The following NRG1 variants were observed in gnomAD, a reference collection of about 807,000 sequenced individuals.
The protein encoded by NRG1 is neuregulin 1.
Under a neutral mutation model 63.8 loss-of-function variants are expected in NRG1, and 18 were observed. The observed-to-expected ratio is 0.28, with a 90% CI of 0.19 to 0.42. The LOEUF is 0.42. Among genes scored for constraint, NRG1 ranks in the 10% least tolerant of loss-of-function variants. The pLI is 1.00. For missense variants in NRG1, 762 were observed against 814.7 expected, an observed-to-expected ratio of 0.94 and a Z score of 0.79; for synonymous variants, 302 against 301.3, an observed-to-expected ratio of 1.00 and a Z score of -0.02.
At chr8:32,225,007 T>A (rs1415112656) in intron 1 of NRG1, among the ~76,000 whole-genome samples, 1 of 152,184 alleles carries the variant, frequency 6.6e-6, no homozygotes, top group African/African-American at 2.4e-5. Context: ...CGAAATGTCA[T>A]AACAGTGTAA....
intron 1 of NRG1, among the ~76,000 whole-genome samples, chr8:32,279,455 C>T (rs1852462377): frequency 6.6e-6 from 1 of 152,192 alleles, no homozygotes; most frequent in Non-Finnish European, 1.5e-5. Flanking sequence ...CTGGTTCAAG[C>T]AATTCTCCTG....
chr8:32,099,095 GGCAAATCA>G (rs1403926700), intron 1 of NRG1, among the ~76,000 whole-genome samples: 1 of 152,154 alleles, frequency 6.6e-6, no homozygotes, highest in African/African-American at 2.4e-5. Flanking sequence ...GGGTGCAATG[GGCAAATCA>G]GCAAGATAGG....
chr8:32,180,807 T>C (rs1011594426), intron 1 of NRG1, among the ~76,000 whole-genome samples: 1 of 152,130 alleles, frequency 6.6e-6, no homozygotes, highest in Non-Finnish European at 1.5e-5. Flanking sequence ...GTGTGCTGCA[T>C]TGTTTTTTTA....
chr8:32,025,326 A>G (rs1005833062), intron 1 of NRG1, among the ~76,000 whole-genome samples: 2 of 152,172 alleles, frequency 1.3e-5, no homozygotes, highest in African/African-American at 4.8e-5. Flanking sequence ...AAGACTCACA[A>G]TTACCATTAG....
intron 1 of NRG1, among the ~76,000 whole-genome samples, chr8:32,021,150 AT>A (rs1816367905): frequency 1.3e-5 from 2 of 152,134 alleles, no homozygotes; most frequent in African/African-American, 2.4e-5. Flanking sequence ...GTTGATTTTT[AT>A]TTTTTTCAGA....
chr8:32,668,617 T>G (rs890817142), intron 5 of NRG1, among the ~76,000 whole-genome samples: 4 of 152,218 alleles, frequency 2.6e-5, no homozygotes, highest in Non-Finnish European at 4.4e-5. Flanking sequence ...CTGGTCATAT[T>G]TTAGCATAAT....
chr8:32,399,267 G>A (rs568372438), intron 1 of NRG1, among the ~76,000 whole-genome samples: 8 of 152,248 alleles, frequency 5.3e-5, no homozygotes, highest in African/African-American at 1.4e-4. Context: ...GGTAAAACAC[G>A]TTAATTTTAT....
rs545016062 is a variant in NRG1 at position 31,724,976 on chromosome 8, A to G, written c.37+85545A>G. Among the ~76,000 whole-genome samples the G allele has an allele frequency of 5.9e-5, 9 of 152,336 alleles. No homozygotes were observed. In the South Asian group the frequency reaches 1.7e-3, roughly 28 times the overall value. ...GTGTGAAAGCATCCATAGATAGTAC[A>G]TAAACAAATGAGGGCTGCTCTGTTC... On this transcript the variant is annotated intron_variant, in intron 1 of 10. Coordinates refer to the NRG1 transcript ENST00000519301.
intron 1 of NRG1, among the ~76,000 whole-genome samples, chr8:32,191,111 G>A (rs1449910628): frequency 6.6e-6 from 1 of 150,438 alleles, no homozygotes; most frequent in Non-Finnish European, 1.5e-5. Flanking sequence ...TTGAGTTGGA[G>A]TCTCACTCTG....
rs1177120889 is a variant in NRG1, at chr8:32,321,800, T to C, written c.38-274028T>C. Among the ~76,000 whole-genome samples, 3 of 152,034 alleles carry C rather than the reference T, an allele frequency of 2.0e-5. No individual in the cohort carries two copies. The South Asian group carries it at 6.2e-4, about 32-fold the overall frequency. ...GATATACCTTTTAAAGTCATGGATT[T>C]CTTGATGGAGATATTGAGTTGGGTT... is the stretch of plus-strand genomic sequence containing the variant. On this transcript the variant is annotated intron_variant, in intron 1 of 10. Coordinates refer to the NRG1 transcript ENST00000519301.
chr8:32,401,116 G>C (rs1156364487), intron 1 of NRG1, among the ~76,000 whole-genome samples: 1 of 152,040 alleles, frequency 6.6e-6, no homozygotes, highest in African/African-American at 2.4e-5. Context: ...ACATGGAGGG[G>C]AACGACAGAC....
chr8:32,737,245 G>C (rs1277350011), intron 6 of NRG1, among the ~76,000 whole-genome samples: 1 of 152,074 alleles, frequency 6.6e-6, no homozygotes, highest in Non-Finnish European at 1.5e-5. Flanking sequence ...AGGATACTGG[G>C]AATTTCTGTA....
At chr8:32,360,867 A>G (rs1248098059) in intron 1 of NRG1, among the ~76,000 whole-genome samples, 2 of 152,228 alleles carry the variant, frequency 1.3e-5, no homozygotes, top group African/African-American at 2.4e-5. Flanking sequence ...AAACAAAGCC[A>G]TAAGGCCATT....
At chr8:31,648,434 A>G (rs1425500732) in intron 1 of NRG1, among the ~76,000 whole-genome samples, 1 of 152,016 alleles carries the variant, frequency 6.6e-6, no homozygotes, top group East Asian at 1.9e-4. Flanking sequence ...GCCCGGCCCT[A>G]CCTTTCTTAA....
intron 1 of NRG1, among the ~76,000 whole-genome samples, chr8:31,711,834 C>T (rs1207272340): frequency 6.6e-6 from 1 of 152,136 alleles, no homozygotes; most frequent in Admixed American, 6.5e-5. Context: ...TTCACTGTAT[C>T]CTCACGTAAT....
At chr8:31,752,276 C>G (rs1186665204) in intron 1 of NRG1, among the ~76,000 whole-genome samples, 1 of 152,000 alleles carries the variant, frequency 6.6e-6, no homozygotes, top group Non-Finnish European at 1.5e-5. Flanking sequence ...TTGGGATGCT[C>G]AAAGACCAGC....
intron 1 of NRG1, among the ~76,000 whole-genome samples, chr8:31,840,685 A>G (rs1234083133): frequency 6.6e-6 from 1 of 152,156 alleles, no homozygotes; most frequent in African/African-American, 2.4e-5. Flanking sequence ...ATGCTCAGAA[A>G]TATTTTCACA....
intron 1 of NRG1, among the ~76,000 whole-genome samples, chr8:31,978,811 A>C (rs892871104): frequency 6.6e-6 from 1 of 152,180 alleles, no homozygotes; most frequent in Admixed American, 6.5e-5. Flanking sequence ...AAGAATTACT[A>C]AGGACATGAT....
chr8:32,265,070 A>T (rs1356893070), intron 1 of NRG1, among the ~76,000 whole-genome samples: 1 of 152,002 alleles, frequency 6.6e-6, no homozygotes, highest in Non-Finnish European at 1.5e-5. Context: ...GGGTGCAGTG[A>T]CTCACGCCTG....
Sources: gnomAD v4.1 joint callset for allele counts (sites outside exome capture counted in the v4.1 genomes callset) on GRCh38, gnomAD v4.1.1 for gene constraint, MANE v1.5 for transcripts, NCBI Gene and HGNC (gene_info 2026-07-23, HGNC 2026-07-21) for gene names.